The following MAMDC2 variants were observed in gnomAD, a reference collection of about 807,000 sequenced individuals.
MAMDC2 encodes MAM domain-containing protein 2.
A neutral mutation model predicts 89.8 loss-of-function variants in MAMDC2; 57 were observed. The observed-to-expected ratio is 0.63, with a 90% CI of 0.51 to 0.79. The LOEUF (loss-of-function observed/expected upper bound fraction) is 0.79, where lower values mean the gene tolerates loss of function less well. MAMDC2 is among the 30% of genes least tolerant of loss of function. The pLI is 0.00. For missense variants in MAMDC2, 800 were observed against 820.6 expected (o/e 0.97, Z 0.31); for synonymous variants, 313 against 293.4 (o/e 1.07, Z -0.68).
chr9:70,226,943 A>C lies in MAMDC2; in HGVS notation c.*911A>C, dbSNP rs561368276. ...CTAACAGCTGCTATGAAATTATAAA[A>C]TTACCTAATAAAAATAATTTGAAAA... is the stretch of plus-strand genomic sequence containing the variant. On this transcript the variant is annotated 3_prime_UTR_variant, in exon 14 of 14. Coordinates refer to ENST00000377182, the MANE Select transcript of MAMDC2 (RefSeq NM_153267.5). 2.8e-4 allele frequency: 43 copies of C among 152,198 alleles called. 1 individual carries two copies. The South Asian group carries it at 8.9e-3, about 32-fold the overall frequency. 9.4% of individuals were successfully genotyped at this position (152,198 alleles called of 1,614,324 possible).
chr9:70,152,384 C>T (rs1013232007), intron 9 of MAMDC2, among the ~76,000 whole-genome samples: 4 of 152,088 alleles, frequency 2.6e-5, no homozygotes, highest in African/African-American at 9.7e-5. Context: ...TTGTTGAACA[C>T]TCTCCAGCAC....
At chr9:70,059,240 C>T (rs1827092718) in intron 2 of MAMDC2, among the ~76,000 whole-genome samples, 2 of 152,188 alleles carry the variant, frequency 1.3e-5, no homozygotes, top group South Asian at 4.1e-4. Context: ...GATCAGTCTT[C>T]TGTCTTTCCA....
chr9:70,192,195 C>G (rs1169470117), intron 11 of MAMDC2, among the ~76,000 whole-genome samples: 1 of 152,078 alleles, frequency 6.6e-6, no homozygotes, highest in African/African-American at 2.4e-5. Context: ...GGAAATCTCT[C>G]TGATAACTTC....
chr9:70,226,072 C>T lies in MAMDC2; in HGVS notation c.*40C>T. On this transcript the variant is annotated 3_prime_UTR_variant, in exon 14 of 14. Transcript: ENST00000377182. Reference sequence around the variant, plus strand: ...TGGATTTACTAGACGAAAACCATACCTCTCTTCAATCAAAATGAAAACAAA... The same window carrying T: ...TGGATTTACTAGACGAAAACCATACTTCTCTTCAATCAAAATGAAAACAAA... 2.6e-6 allele frequency: 3 copies of T among 1,158,210 alleles called. No homozygotes were observed. Among genetic ancestry groups the T allele is most frequent in the Non-Finnish European group, 3.7e-6 (3 of 804,088 alleles). The allele number at this position is 1,158,210 out of a possible 1,614,324, so 71.7% of individuals were successfully genotyped here. A position where few individuals can be genotyped will look rare whatever the true frequency, so the allele number is the denominator to read the frequency against.
chr9:70,126,084 C>A (rs1295982400), intron 5 of MAMDC2, 75 bp from the exon 6 acceptor site: 7 of 1,438,560 alleles, frequency 4.9e-6, no homozygotes, highest in Non-Finnish European at 6.7e-6. Context: ...TGCAGAATCA[C>A]ACCATTTCGC....
At chr9:70,112,800 A>G (rs1828544680) in intron 4 of MAMDC2, among the ~76,000 whole-genome samples, 195 bp from the exon 5 acceptor site, 2 of 152,326 alleles carry the variant, frequency 1.3e-5, no homozygotes, top group Middle Eastern at 3.4e-3. Context: ...AGGGCCAATG[A>G]TGAATTAGAA....
chr9:70,221,372 T>TAGAGAGAGAGAGAGAGAGAGAG (rs1235831563), intron 12 of MAMDC2, among the ~76,000 whole-genome samples: 1 of 6,810 alleles, frequency 1.5e-4, no homozygotes, highest in Non-Finnish European at 3.1e-4. Context: ...TATATATATA[T>TAGAGAGAGAGAGAGAGAGAGAG]ATATATATAG....
intron 2 of MAMDC2, among the ~76,000 whole-genome samples, chr9:70,069,079 A>AT (rs1827338104): frequency 6.6e-6 from 1 of 152,326 alleles, no homozygotes; most frequent in Admixed American, 6.5e-5. Context: ...CGGTAGAAGG[A>AT]TTGTGTGTGC....
chr9:70,156,172 C>T (rs1318151827), intron 9 of MAMDC2, among the ~76,000 whole-genome samples: 1 of 152,096 alleles, frequency 6.6e-6, no homozygotes, highest in Non-Finnish European at 1.5e-5. Flanking sequence ...TTTTCTCTTA[C>T]AAAAATCTTT....
chr9:70,100,268 A>G (rs1264865731), intron 2 of MAMDC2, among the ~76,000 whole-genome samples: 1 of 152,222 alleles, frequency 6.6e-6, no homozygotes, highest in Non-Finnish European at 1.5e-5. Context: ...TGAGTTTCAG[A>G]TAATATAATT....
At chr9:70,108,143 G>A (rs887646036) in intron 2 of MAMDC2, 68 bp from the exon 3 acceptor site, 4 of 1,412,566 alleles carry the variant, frequency 2.8e-6, no homozygotes, top group African/African-American at 2.9e-5. Context: ...TTACTTAACT[G>A]CAGTTACGTA....
chr9:70,163,353 T>C (rs2032052398), intron 9 of MAMDC2, among the ~76,000 whole-genome samples: 1 of 151,506 alleles, frequency 6.6e-6, no homozygotes, highest in African/African-American at 2.4e-5. Context: ...CTCAGCCTCC[T>C]GATTAGCTGG....
intron 9 of MAMDC2, among the ~76,000 whole-genome samples, chr9:70,148,653 G>T (rs1250371753): frequency 2.0e-5 from 3 of 149,490 alleles, no homozygotes; most frequent in Non-Finnish European, 3.0e-5. Flanking sequence ...CCAGCACTTT[G>T]GGAGGCCGAG....
intron 6 of MAMDC2, among the ~76,000 whole-genome samples, chr9:70,130,014 G>GTGTGTGTT (rs2030728427): frequency 2.3e-5 from 1 of 44,104 alleles, no homozygotes; most frequent in African/African-American, 5.4e-5. Flanking sequence ...CATTCTGTGT[G>GTGTGTGTT]TGTGTGTGTG....
chr9:70,098,110 C>G (rs1828074419), intron 2 of MAMDC2, among the ~76,000 whole-genome samples: 1 of 152,200 alleles, frequency 6.6e-6, no homozygotes, highest in Non-Finnish European at 1.5e-5. Context: ...ATGGATTGTT[C>G]ATGACATGTA....
At chr9:70,084,320 C>T (rs967331488) in intron 2 of MAMDC2, among the ~76,000 whole-genome samples, 1 of 152,076 alleles carries the variant, frequency 6.6e-6, no homozygotes, top group Non-Finnish European at 1.5e-5. Flanking sequence ...GGTGACCTGA[C>T]TTAAGATTGC....
intron 2 of MAMDC2, chr9:70,088,390 T>A (rs1329670742): frequency 6.6e-6 from 1 of 152,170 alleles, no homozygotes; most frequent in Non-Finnish European, 1.5e-5. Context: ...GGAGGCTGGC[T>A]GCTAGAAGCA....
intron 12 of MAMDC2, among the ~76,000 whole-genome samples, chr9:70,221,091 C>T (rs1010307554): frequency 5.9e-5 from 9 of 151,698 alleles, no homozygotes; most frequent in East Asian, 1.9e-4. Flanking sequence ...TCAATAAGTA[C>T]GTATTGTCCA....
In MAMDC2 at chr9:70,044,045, T is replaced by C; in HGVS notation, c.-153T>C. The C allele has an allele frequency of 1.2e-6, 1 of 847,586 alleles. No homozygotes were observed. Among genetic ancestry groups the C allele is most frequent in the East Asian group, 2.6e-5 (1 of 38,084 alleles). The allele number at this position is 847,586 out of a possible 1,614,324, so 52.5% of individuals were successfully genotyped here. A position where few individuals can be genotyped will look rare whatever the true frequency, so the allele number is the denominator to read the frequency against. ...GGCTCCGGGAGCCGCTCTGCAAAGTTGGGCAGCTCAGAGCGCAAGCTTTGC... is the reference window on the plus strand; with the variant it reads ...GGCTCCGGGAGCCGCTCTGCAAAGTCGGGCAGCTCAGAGCGCAAGCTTTGC... On this transcript the variant is annotated 5_prime_UTR_variant, in exon 1 of 14. Transcript: ENST00000377182.
Sources: allele counts gnomAD v4.1 joint callset (sites outside exome capture counted in the v4.1 genomes callset), GRCh38; gene constraint gnomAD v4.1.1; transcripts MANE v1.5; gene names NCBI Gene and HGNC (gene_info 2026-07-23, HGNC 2026-07-21).